Variants in LARP4B observed in about 807,000 individuals in gnomAD.
The protein encoded by LARP4B is La ribonucleoprotein 4B, also known as la-related protein 4B.
A neutral mutation model predicts 89.8 loss-of-function variants in LARP4B; 12 were observed. The observed-to-expected ratio is 0.13, with a 90% CI of 0.09 to 0.22. The LOEUF (loss-of-function observed/expected upper bound fraction) is 0.22, where lower values mean the gene tolerates loss of function less well. LARP4B is among the 10% of genes least tolerant of loss of function. The probability of loss-of-function intolerance (pLI) is 1.00; values close to 1 mark genes in which losing one functional copy is unlikely to be tolerated. For missense variants in LARP4B, 757 were observed against 947.7 expected (o/e 0.80, Z 2.64); for synonymous variants, 367 against 363.3 (o/e 1.01, Z -0.12).
At chr10:806,943 T>C (rs1831580658), downstream of LARP4B, 1 of 152,382 alleles carries the variant, frequency 6.6e-6, no homozygotes, top group Admixed American at 6.5e-5. Flanking sequence ...AATTGGTCCA[T>C]ACGCAACAGT....
At chr10:884,394 C>A in intron 3 of LARP4B, 53 bp downstream of exon 3, 1 of 1,185,658 alleles carries the variant, frequency 8.4e-7, no homozygotes, top group South Asian at 1.2e-5. Flanking sequence ...GGAAGTATCT[C>A]TGAGCCTTGA....
chr10:959,205 T>C, the LARP4B span, among the ~76,000 whole-genome samples: 1 of 152,102 alleles, frequency 6.6e-6, no homozygotes, highest in African/African-American at 2.4e-5. Flanking sequence ...AAATGTGAGA[T>C]GTACTGGGCT....
At chr10:827,861 G>A (rs564549183) in intron 11 of LARP4B, among the ~76,000 whole-genome samples, 2 of 152,206 alleles carry the variant, frequency 1.3e-5, no homozygotes, top group East Asian at 3.9e-4. Context: ...TTCAGCTATG[G>A]GTACACTTTT....
the LARP4B span, chr10:972,661 G>A: frequency 2.2e-6 from 1 of 457,250 alleles, no homozygotes; most frequent in Non-Finnish European, 4.4e-6. Flanking sequence ...CCGTTTGACT[G>A]GTATGAAGTA....
chr10:967,291 TAGAG>T, the LARP4B span, among the ~76,000 whole-genome samples: 34 of 152,170 alleles, frequency 2.2e-4, no homozygotes, highest in African/African-American at 3.6e-4. Flanking sequence ...TTTACATCCT[TAGAG>T]AGAGAAGTAG....
intron 1 of LARP4B, among the ~76,000 whole-genome samples, chr10:917,855 T>A (rs1240243195): frequency 6.6e-6 from 1 of 152,208 alleles, no homozygotes; most frequent in Non-Finnish European, 1.5e-5. Flanking sequence ...AGCCCAAGTA[T>A]AATACTAAAA....
At chr10:891,631 T>C (rs1159483802) in intron 1 of LARP4B, among the ~76,000 whole-genome samples, 1 of 152,232 alleles carries the variant, frequency 6.6e-6, no homozygotes, top group Non-Finnish European at 1.5e-5. Context: ...TCTACCTTTG[T>C]ACATTTGAAA....
the LARP4B span, among the ~76,000 whole-genome samples, chr10:959,748 C>G: frequency 8.6e-6 from 1 of 115,962 alleles, no homozygotes; most frequent in Non-Finnish European, 1.8e-5. Context: ...CAATCCACCT[C>G]CCCGTCAATC....
chr10:813,679 G>A (rs1393845434), intron 17 of LARP4B, among the ~76,000 whole-genome samples: 2 of 152,176 alleles, frequency 1.3e-5, no homozygotes, highest in African/African-American at 4.8e-5. Context: ...AACTACAAAG[G>A]ACTGGAAATA....
At chr10:968,299 T>A in the LARP4B span, among the ~76,000 whole-genome samples, 3 of 152,126 alleles carry the variant, frequency 2.0e-5, no homozygotes, top group Non-Finnish European at 4.4e-5. Context: ...AAGAACAAAC[T>A]GAGGTCAAAC....
intron 1 of LARP4B, among the ~76,000 whole-genome samples, chr10:916,484 T>C (rs576612412): frequency 6.6e-6 from 1 of 152,078 alleles, no homozygotes; most frequent in African/African-American, 2.4e-5. Context: ...TCACCTGAGG[T>C]CAGGAGTTCG....
chr10:912,783 G>A (rs981855430), intron 1 of LARP4B, among the ~76,000 whole-genome samples: 1 of 151,680 alleles, frequency 6.6e-6, no homozygotes, highest in Non-Finnish European at 1.5e-5. Context: ...CCAGCTACTC[G>A]GGAGGCATCA....
intron 1 of LARP4B, among the ~76,000 whole-genome samples, chr10:889,450 T>C (rs1456831462): frequency 1.3e-5 from 2 of 152,110 alleles, no homozygotes; most frequent in Non-Finnish European, 2.9e-5. Flanking sequence ...ACCTTTGGGA[T>C]GTGGGAAGAA....
intron 1 of LARP4B, among the ~76,000 whole-genome samples, chr10:918,431 G>C (rs754765442): frequency 2.0e-5 from 3 of 152,076 alleles, no homozygotes; most frequent in African/African-American, 7.2e-5. Context: ...CCAGGAGTTT[G>C]AGACCAGCCT....
the LARP4B span, among the ~76,000 whole-genome samples, chr10:945,647 C>A: frequency 6.6e-6 from 1 of 150,522 alleles, no homozygotes; most frequent in Admixed American, 6.6e-5. Context: ...AGGATCACGC[C>A]ACTGCACTCC....
At chr10:852,564 G>C (rs1834111640) in intron 5 of LARP4B, among the ~76,000 whole-genome samples, 1 of 152,136 alleles carries the variant, frequency 6.6e-6, no homozygotes, top group African/African-American at 2.4e-5. Context: ...TAAGACCAGA[G>C]ACAACCCAAA....
At chr10:960,302 T>G in the LARP4B span, among the ~76,000 whole-genome samples, 1 of 152,164 alleles carries the variant, frequency 6.6e-6, no homozygotes, top group African/African-American at 2.4e-5. Flanking sequence ...TGTAGGATAC[T>G]GCAGTGGTGA....
In LARP4B at chr10:829,710, C is replaced by T; in HGVS notation, c.886G>A (p.Val296Ile). The T allele has an allele frequency of 6.8e-6, 11 of 1,612,744 alleles. No homozygotes were observed. The highest frequency in any genetic ancestry group is 9.3e-6 in the Non-Finnish European group (11 of 1,179,026). ...QQAYKYLREE[V>I]KTFQGKPIKA... ...ATTGGTTTTCCTTGAAAAGTTTTGA[C>T]TTCTTCTCGAAGGTATTTGTAAGCC... Residue 296 changes from valine to isoleucine, a missense_variant, in exon 10 of 18, where the codon GTC becomes ATC. Physicochemically the swap from Val to Ile is conservative, Grantham distance 29. Coordinates refer to ENST00000316157, the MANE Select transcript of LARP4B (RefSeq NM_015155.3).
At chr10:836,287 A>G (rs1174354159) in intron 8 of LARP4B, 116 bp downstream of exon 8, 6 of 668,418 alleles carry the variant, frequency 9.0e-6, no homozygotes, top group Non-Finnish European at 1.6e-5. Context: ...GTGTTAATGT[A>G]AGTACTCAGT....
Sources: allele counts gnomAD v4.1 joint callset (sites outside exome capture counted in the v4.1 genomes callset), GRCh38; gene constraint gnomAD v4.1.1; transcripts MANE v1.5; gene names NCBI Gene and HGNC (gene_info 2026-07-23, HGNC 2026-07-21).